The following SEC24B variants were observed in gnomAD, a reference collection of about 807,000 sequenced individuals.
SEC24B encodes protein transport protein Sec24B.
Under a neutral mutation model 142.8 loss-of-function variants are expected in SEC24B, and 45 were observed. That is an observed-to-expected ratio of 0.32 (90% confidence interval 0.25 to 0.40). The LOEUF is 0.40. Among genes scored for constraint, SEC24B ranks in the 10% least tolerant of loss-of-function variants. The probability of loss-of-function intolerance (pLI) is 1.00; values close to 1 mark genes in which losing one functional copy is unlikely to be tolerated. For missense variants in SEC24B, 1,409 were observed against 1,526.8 expected, an observed-to-expected ratio of 0.92 and a Z score of 1.29; for synonymous variants, 574 against 568.2, an observed-to-expected ratio of 1.01 and a Z score of -0.15.
intron 2 of SEC24B, among the ~76,000 whole-genome samples, chr4:109,467,138 A>C (rs1320695111): frequency 6.6e-6 from 1 of 151,698 alleles, no homozygotes; most frequent in Non-Finnish European, 1.5e-5. Flanking sequence ...CATCCTGGCT[A>C]ACACGGTGAA....
intron 1 of SEC24B, 123 bp downstream of exon 1, chr4:109,434,125 C>T (rs1728142292): frequency 3.2e-6 from 2 of 632,272 alleles, no homozygotes; most frequent in Admixed American, 6.4e-5. Flanking sequence ...GCCCGAGGGA[C>T]GGGAGCGGGC....
intron 8 of SEC24B, among the ~76,000 whole-genome samples, chr4:109,510,505 G>A (rs1256447209): frequency 6.6e-6 from 1 of 152,148 alleles, no homozygotes; most frequent in East Asian, 1.9e-4. Flanking sequence ...GTTGAAGTCT[G>A]TCCTGGATTT....
chr4:109,448,000 G>A (rs1729643118), intron 1 of SEC24B, among the ~76,000 whole-genome samples: 1 of 152,138 alleles, frequency 6.6e-6, no homozygotes, highest in Non-Finnish European at 1.5e-5. Flanking sequence ...CATTGCATCT[G>A]TCTGAGAATT....
intron 4 of SEC24B, among the ~76,000 whole-genome samples, chr4:109,489,678 T>C (rs1356641818): frequency 8.2e-6 from 1 of 122,086 alleles, no homozygotes; most frequent in Non-Finnish European, 1.8e-5. Context: ...ATACATGTGA[T>C]ATATACATAT....
At chr4:109,503,473 C>G (rs1412477285) in intron 6 of SEC24B, among the ~76,000 whole-genome samples, 2 of 152,114 alleles carry the variant, frequency 1.3e-5, no homozygotes, top group Non-Finnish European at 2.9e-5. Context: ...ATCCACCCAC[C>G]TCGGCCTTCC....
intron 11 of SEC24B, among the ~76,000 whole-genome samples, chr4:109,520,049 G>A (rs752875544): frequency 6.6e-6 from 1 of 152,094 alleles, no homozygotes; most frequent in Non-Finnish European, 1.5e-5. Flanking sequence ...CATAAATGTG[G>A]TTTTTGTGTA....
intron 6 of SEC24B, among the ~76,000 whole-genome samples, chr4:109,504,982 G>T (rs1401956967): frequency 1.3e-5 from 2 of 152,004 alleles, no homozygotes; most frequent in East Asian, 1.9e-4. Context: ...TGAAAAGGGG[G>T]CTATATTTAC....
chr4:109,519,310 A>G (rs899470013), intron 11 of SEC24B, among the ~76,000 whole-genome samples: 8 of 152,242 alleles, frequency 5.3e-5, no homozygotes, highest in African/African-American at 1.4e-4. Flanking sequence ...TGTAAATTAA[A>G]TAGACTGTGC....
At chr4:109,504,909 G>A (rs903410846) in intron 6 of SEC24B, among the ~76,000 whole-genome samples, 7 of 152,056 alleles carry the variant, frequency 4.6e-5, no homozygotes, top group South Asian at 2.1e-4. Flanking sequence ...GGAGTGCTCC[G>A]TAGCTGTAAA....
intron 6 of SEC24B, among the ~76,000 whole-genome samples, chr4:109,503,205 A>C (rs1736341098): frequency 6.8e-6 from 1 of 147,008 alleles, no homozygotes; most frequent in Non-Finnish European, 1.5e-5. Flanking sequence ...GACTACAGGC[A>C]TGTGCCACTA....
At chr4:109,488,019 CTTTA>C (rs1734563888) in intron 4 of SEC24B, among the ~76,000 whole-genome samples, 1 of 151,648 alleles carries the variant, frequency 6.6e-6, no homozygotes, top group African/African-American at 2.4e-5. Flanking sequence ...TATCTTTGGA[CTTTA>C]TTTTTTTTCA....
At position 109,530,351 on chromosome 4, in the gene SEC24B, G is replaced by C; in HGVS notation, c.3139G>C (p.Val1047Leu). 1 of 1,614,154 alleles carries C rather than the reference G, an allele frequency of 6.2e-7. No homozygotes were observed. Among genetic ancestry groups the C allele is most frequent in the East Asian group, 2.2e-5 (1 of 44,880 alleles). The change falls in exon 19 of 24, where the codon GTG becomes CTG. Residue 1047 changes from valine to leucine, a missense_variant. Around this residue, in one of 2 missense-constraint regions of SEC24B, gnomAD observed 700 missense variants for 853.3 expected, o/e 0.82. Coordinates refer to ENST00000265175, the MANE Select transcript of SEC24B (RefSeq NM_006323.5). ...DARDALVNAV[V>L]DSLSAYGSTV... is the part of the protein sequence containing the mutation. ...AAGAGATGCCTTAGTGAATGCTGTA[G>C]TGGACTCATTGTCTGCATATGGCTC... is the stretch of plus-strand genomic sequence containing the variant.
At chr4:109,525,605 G>A (rs766868425) in intron 16 of SEC24B, 101 bp downstream of exon 16, 67 of 712,518 alleles carry the variant, frequency 9.4e-5, no homozygotes, top group Admixed American at 2.1e-4. Flanking sequence ...ATGGAAGACT[G>A]TTTGATCTCA....
chr4:109,525,590 T>C lies in SEC24B; in HGVS notation c.2791+86T>C, dbSNP rs72898773. 1,173 of 847,802 alleles carry C rather than the reference T, an allele frequency of 1.4e-3. 9 individuals are homozygous for C. The African/African-American group carries it at 0.019, about 14-fold the overall frequency. The allele number at this position is 847,802 out of a possible 1,614,324, so 52.5% of individuals were successfully genotyped here. A position where few individuals can be genotyped will look rare whatever the true frequency, so the allele number is the denominator to read the frequency against. ...CCATGTATTGACTACCTCTGACTGT[T>C]CATGATGGAAGACTGTTTGATCTCA... On this transcript the variant is annotated intron_variant, in intron 16 of 23. Transcript: ENST00000265175.
At chr4:109,450,246 T>C (rs1326823966) in intron 1 of SEC24B, among the ~76,000 whole-genome samples, 3 of 152,116 alleles carry the variant, frequency 2.0e-5, no homozygotes, top group Admixed American at 6.5e-5. Flanking sequence ...AATTAAACTC[T>C]ACCTGCTGCA....
rs199716124 is a variant in SEC24B at position 109,539,611 on chromosome 4, G to A, written c.3743G>A (p.Arg1248Gln). Residue 1248 changes from arginine to glutamine, a missense_variant, in exon 24 of 24, where the codon CGG (arginine) becomes CAG (glutamine). Around this residue, in one of 2 missense-constraint regions of SEC24B, gnomAD observed 700 missense variants for 853.3 expected, o/e 0.82. Transcript: ENST00000265175. ...AEFFQHLIEDRTEAAFSYYEF... is the reference protein window; with the variant it reads ...AEFFQHLIEDQTEAAFSYYEF... ...TTTTTTCAGCATTTGATTGAAGACC[G>A]GACAGAGGCTGCATTTTCTTACTAT... is the stretch of plus-strand genomic sequence containing the variant. The A allele has an allele frequency of 9.9e-6, 16 of 1,613,832 alleles. No homozygotes were observed. Among genetic ancestry groups the A allele is most frequent in the East Asian group, 6.7e-5 (3 of 44,866 alleles).
chr4:109,465,175 C>T (rs892520830), intron 2 of SEC24B, among the ~76,000 whole-genome samples: 8 of 152,040 alleles, frequency 5.3e-5, no homozygotes, highest in African/African-American at 1.9e-4. Context: ...TTTTAGCATC[C>T]ATAGTAGAGG....
chr4:109,473,567 C>T (rs1185164240), intron 3 of SEC24B, among the ~76,000 whole-genome samples: 7 of 152,090 alleles, frequency 4.6e-5, no homozygotes, highest in Non-Finnish European at 5.9e-5. Flanking sequence ...TTGATTATTT[C>T]TGTGCTTTTT....
chr4:109,482,209 G>A (rs1445595768), intron 4 of SEC24B, among the ~76,000 whole-genome samples: 4 of 152,178 alleles, frequency 2.6e-5, no homozygotes, highest in Non-Finnish European at 2.9e-5. Flanking sequence ...TAGAGAAATA[G>A]GACAGTGTTT....
Sources: gnomAD v4.1 joint callset for allele counts (sites outside exome capture counted in the v4.1 genomes callset) on GRCh38, gnomAD v4.1.1 for gene constraint, gnomAD v4.1.1 regional missense constraint, MANE v1.5 for transcripts, NCBI Gene and HGNC (gene_info 2026-07-23, HGNC 2026-07-21) for gene names.